The following BRK1 variants were observed in gnomAD, a reference collection of about 807,000 sequenced individuals.
BRK1 encodes the protein BRICK1 subunit of SCAR/WAVE actin nucleating complex.
Under a neutral mutation model 9.9 loss-of-function variants are expected in BRK1, and 6 were observed. The observed-to-expected ratio is 0.60, with a 90% confidence interval of 0.33 to 1.19. The LOEUF (loss-of-function observed/expected upper bound fraction) is 1.19, where lower values mean the gene tolerates loss of function less well. Among genes scored for constraint, BRK1 ranks in the 50% most tolerant of loss-of-function variants. BRK1 has a pLI of 0.04. For synonymous variants in BRK1, 44 were observed against 31.9 expected, an observed-to-expected ratio of 1.38 and a Z score of -1.28; for missense variants, 62 against 97.5, an observed-to-expected ratio of 0.64 and a Z score of 1.53.
chr3:10,124,632 A>G (rs1312319242), intron 1 of BRK1, among the ~76,000 whole-genome samples: 5 of 152,178 alleles, frequency 3.3e-5, no homozygotes, highest in Non-Finnish European at 5.9e-5. Context: ...GATTACAGGC[A>G]TGAGTCACTG....
chr3:10,126,552 A>G lies in BRK1; in HGVS notation c.*257A>G, dbSNP rs1695843514. The G allele has an allele frequency of 2.3e-6, 1 of 426,572 alleles. No individual in the cohort carries two copies. The highest frequency in any genetic ancestry group is 4.2e-6 in the Non-Finnish European group (1 of 238,732). 26.4% of individuals were successfully genotyped at this position (426,572 alleles called of 1,614,324 possible). ...GTAACATTTTATACATCTACTTGTCAATGTATTTGAGACATTCACAGCCAA... is the reference window on the plus strand; with the variant it reads ...GTAACATTTTATACATCTACTTGTCGATGTATTTGAGACATTCACAGCCAA... On this transcript the variant is annotated 3_prime_UTR_variant, in exon 3 of 3. Coordinates refer to ENST00000530758, the MANE Select transcript of BRK1 (RefSeq NM_018462.5).
rs73119768 is a variant in BRK1, at chr3:10,124,735, T to C, written c.119-891T>C. On this transcript the variant is annotated intron_variant, in intron 1 of 2. Coordinates refer to ENST00000530758, the MANE Select transcript of BRK1 (RefSeq NM_018462.5). ...GTCTAGTTCCTCGAATATTGGGTTG[T>C]TGGCAGAATTCAGTTTCTCGTGGTT... Among the ~76,000 whole-genome samples, 4,694 of 152,184 alleles carry C rather than the reference T, an allele frequency of 0.031. 250 individuals carry two copies. The highest frequency in any genetic ancestry group is 0.11 in the African/African-American group (4,475 of 41,502).
intron 1 of BRK1, among the ~76,000 whole-genome samples, chr3:10,117,413 T>G (rs1575904287): frequency 6.8e-6 from 1 of 146,630 alleles, no homozygotes; most frequent in East Asian, 2.0e-4. Flanking sequence ...TTTTTTTTTT[T>G]GAGACAGGGT....
rs28532206 is a variant in BRK1, at chr3:10,115,914, C to A, written c.118+95C>A. 6.4e-3 allele frequency: 6,182 copies of A among 973,148 alleles called. 264 individuals carry two copies. The African/African-American group carries it at 0.088, about 14-fold the overall frequency. The allele number at this position is 973,148 out of a possible 1,614,324, so 60.3% of individuals were successfully genotyped here. ...AGATGCTTTGAGAGGACTCCCGCAG[C>A]CTTCGGCTGTTGCGGGTTTTCACTT... On this transcript the variant is annotated intron_variant, in intron 1 of 2. Transcript: ENST00000530758.
intron 1 of BRK1, among the ~76,000 whole-genome samples, chr3:10,124,367 G>A (rs1475651391): frequency 6.6e-6 from 1 of 151,932 alleles, no homozygotes; most frequent in Non-Finnish European, 1.5e-5. Context: ...GGCTGAGGCA[G>A]GAGAATCGCT....
intron 1 of BRK1, among the ~76,000 whole-genome samples, chr3:10,119,695 A>C (rs1695731812): frequency 6.6e-6 from 1 of 152,222 alleles, no homozygotes; most frequent in Admixed American, 6.5e-5. Flanking sequence ...AATGTAGCAA[A>C]AATATCATAA....
At position 10,125,714 on chromosome 3, in the gene BRK1, T is replaced by G. The variant is rs1695830453; in HGVS notation, c.201+6T>G. ...TAGAGTACATTGAAGCTCGGGTGAG[T>G]TTGATGGGCAAGGGCATTCCAGAGA... On this transcript the variant is annotated splice_donor_region_variant and intron_variant, in intron 2 of 2. Transcript: ENST00000530758. 6.2e-7 allele frequency: 1 copy of G among 1,601,806 alleles called. No homozygotes were observed. The highest frequency in any genetic ancestry group is 8.5e-7 in the Non-Finnish European group (1 of 1,171,580).
intron 1 of BRK1, among the ~76,000 whole-genome samples, chr3:10,116,953 A>G (rs995353220): frequency 1.3e-5 from 2 of 152,214 alleles, no homozygotes; most frequent in African/African-American, 2.4e-5. Context: ...GTTTAGGACT[A>G]TAATCGTGGC....
intron 1 of BRK1, among the ~76,000 whole-genome samples, chr3:10,118,996 G>GTTTT (rs1016794874): frequency 4.8e-5 from 7 of 145,228 alleles, no homozygotes; most frequent in African/African-American, 1.6e-4. Flanking sequence ...TTTCCTAATG[G>GTTTT]TTTTTTTTGT....
chr3:10,124,463 AAAAAAACC>A (rs1289205582), intron 1 of BRK1, among the ~76,000 whole-genome samples: 3 of 152,084 alleles, frequency 2.0e-5, no homozygotes, highest in African/African-American at 7.2e-5. Context: ...CATCTCAAAA[AAAAAAACC>A]AAAAAAACAA....
intron 1 of BRK1, among the ~76,000 whole-genome samples, chr3:10,121,452 C>T (rs1353807247): frequency 1.3e-5 from 2 of 152,038 alleles, no homozygotes; most frequent in Admixed American, 1.3e-4. Context: ...CAACATGGGC[C>T]CTCAGCTTAC....
intron 1 of BRK1, among the ~76,000 whole-genome samples, chr3:10,120,446 C>T (rs527568032): frequency 3.3e-5 from 5 of 152,316 alleles, no homozygotes; most frequent in African/African-American, 1.2e-4. Context: ...CTGCCCACCT[C>T]AGCCTCCCAA....
At chr3:10,125,142 A>G (rs1344252626) in intron 1 of BRK1, among the ~76,000 whole-genome samples, 1 of 151,962 alleles carries the variant, frequency 6.6e-6, no homozygotes, top group Non-Finnish European at 1.5e-5. Context: ...TTGCTGTTTG[A>G]CCCAGGCTGG....
At chr3:10,115,990 T>C (rs1695679851) in intron 1 of BRK1, among the ~76,000 whole-genome samples, 171 bp downstream of exon 1, 1 of 152,074 alleles carries the variant, frequency 6.6e-6, no homozygotes, top group African/African-American at 2.4e-5. Context: ...CAGGCTCCCG[T>C]AGACAGTCTC....
rs71626962 is a variant in BRK1, at chr3:10,123,732, C to CTTTTTTTTTTTTTT, written c.119-1886_119-1873dup. ...ACAGGCCTGAGCCACCGTGCCTGGC[C>CTTTTTTTTTTTTTT]TTTTTTTTTTTTTTTTTTTTTGAGA... On this transcript the variant is annotated intron_variant, in intron 1 of 2. Coordinates refer to ENST00000530758, the MANE Select transcript of BRK1 (RefSeq NM_018462.5). 1.6e-4 allele frequency among the ~76,000 whole-genome samples: 8 copies of CTTTTTTTTTTTTTT among 48,694 alleles called. 1 individual carries two copies. Among genetic ancestry groups the CTTTTTTTTTTTTTT allele is most frequent in the African/African-American group, 1.2e-3 (8 of 6,698 alleles). The allele number at this position is 48,694 out of a possible 152,430, so 31.9% of individuals were successfully genotyped here. A position where few individuals can be genotyped will look rare whatever the true frequency, so the allele number is the denominator to read the frequency against.
At chr3:10,121,071 A>C (rs1402424803) in intron 1 of BRK1, among the ~76,000 whole-genome samples, 1 of 152,180 alleles carries the variant, frequency 6.6e-6, no homozygotes, top group African/African-American at 2.4e-5. Context: ...GATCATACTT[A>C]AGCTAGACCT....
At chr3:10,125,023 C>G (rs1209905132) in intron 1 of BRK1, among the ~76,000 whole-genome samples, 1 of 152,200 alleles carries the variant, frequency 6.6e-6, no homozygotes, top group Non-Finnish European at 1.5e-5. Flanking sequence ...ACTCTAGGAT[C>G]TCAAGGTTCT....
At chr3:10,124,570 A>ATCTTCACACCTTGGCCAGCAG (rs1171491017) in intron 1 of BRK1, among the ~76,000 whole-genome samples, 2 of 152,082 alleles carry the variant, frequency 1.3e-5, no homozygotes, top group African/African-American at 2.4e-5. Flanking sequence ...TGGGCTAGCA[A>ATCTTCACACCTTGGCCAGCAG]TCTTCACACC....
chr3:10,120,333 T>C (rs1695740651), intron 1 of BRK1, among the ~76,000 whole-genome samples: 1 of 152,162 alleles, frequency 6.6e-6, no homozygotes, highest in Admixed American at 6.6e-5. Context: ...TAGCTGGGAT[T>C]ACAGGCACAC....
Sources: allele counts gnomAD v4.1 joint callset (sites outside exome capture counted in the v4.1 genomes callset), GRCh38; gene constraint gnomAD v4.1.1; transcripts MANE v1.5; gene names NCBI Gene and HGNC (gene_info 2026-07-23, HGNC 2026-07-21).